ARNT: variants seen among roughly 807,000 people sequenced by gnomAD.
The protein encoded by ARNT is class E basic helix-loop-helix protein 2.
A neutral mutation model predicts 105.0 loss-of-function variants in ARNT; 30 were observed. The ratio of observed to expected loss-of-function variants is 0.29; its 90% confidence interval spans 0.21 to 0.39. The LOEUF (loss-of-function observed/expected upper bound fraction) is 0.39. ARNT is among the 10% of genes least tolerant of loss of function. ARNT has a pLI of 1.00. For missense variants in ARNT, 748 were observed against 978.7 expected, an observed-to-expected ratio of 0.76 and a Z score of 3.15; for synonymous variants, 304 against 344.0, an observed-to-expected ratio of 0.88 and a Z score of 1.29.
chr1:150,870,488 C>A (rs1667255268), intron 1 of ARNT, among the ~76,000 whole-genome samples: 5 of 152,032 alleles, frequency 3.3e-5, no homozygotes, highest in Admixed American at 3.3e-4. Flanking sequence ...GAACTTATAT[C>A]CTAAGTATGC....
At chr1:150,843,820 C>G (rs1400561191) in intron 4 of ARNT, among the ~76,000 whole-genome samples, 1 of 152,092 alleles carries the variant, frequency 6.6e-6, no homozygotes, top group Admixed American at 6.5e-5. Flanking sequence ...AAGTTTTCAG[C>G]TTTTAAGACC....
chr1:150,837,492 G>A (rs1191711490), intron 6 of ARNT, among the ~76,000 whole-genome samples: 2 of 152,118 alleles, frequency 1.3e-5, no homozygotes, highest in African/African-American at 4.8e-5. Context: ...CCTCTCTGCA[G>A]AATGTGACAA....
intron 19 of ARNT, 127 bp from the exon 20 acceptor site, chr1:150,814,366 AT>A (rs1655395645): frequency 1.1e-6 from 1 of 895,668 alleles, no homozygotes; most frequent in East Asian, 2.7e-5. Flanking sequence ...CTTATTTCCT[AT>A]TGTATATTTC....
intron 1 of ARNT, among the ~76,000 whole-genome samples, chr1:150,858,765 G>A (rs745370230): frequency 3.3e-5 from 5 of 151,482 alleles, no homozygotes; most frequent in Non-Finnish European, 7.4e-5. Flanking sequence ...AGGACTATAG[G>A]CCCGCACTAC....
At chr1:150,816,605 T>C (rs587678437) in intron 18 of ARNT, among the ~76,000 whole-genome samples, 183 bp downstream of exon 18, 37 of 152,228 alleles carry the variant, frequency 2.4e-4, no homozygotes, top group African/African-American at 3.9e-4. Context: ...GCCTAGAACA[T>C]GGCAATAGGA....
intron 15 of ARNT, 21 bp from the exon 16 acceptor site, chr1:150,817,454 G>A: frequency 3.1e-6 from 5 of 1,608,540 alleles, no homozygotes; most frequent in Non-Finnish European, 4.2e-6. Flanking sequence ...AAGGCCAGTT[G>A]ACAAGACAAA....
chr1:150,824,327 T>C (rs909444761), intron 13 of ARNT, among the ~76,000 whole-genome samples: 14 of 152,044 alleles, frequency 9.2e-5, no homozygotes, highest in African/African-American at 3.4e-4. Flanking sequence ...CCATTAAAGA[T>C]ACTCTGACCT....
chr1:150,830,030 G>T (rs1659064523), intron 10 of ARNT, 50 bp from the exon 11 acceptor site: 2 of 1,591,410 alleles, frequency 1.3e-6, no homozygotes, highest in Non-Finnish European at 1.7e-6. Flanking sequence ...CAACTCAAAT[G>T]CCTTCAAAAC....
chr1:150,831,440 A>C, intron 10 of ARNT: 1 of 177,684 alleles, frequency 5.6e-6, no homozygotes, highest in South Asian at 1.3e-4. Context: ...TTATTACAAT[A>C]AAGGCATTTT....
chr1:150,849,101 G>A (rs1452744174), intron 3 of ARNT, among the ~76,000 whole-genome samples: 1 of 152,122 alleles, frequency 6.6e-6, no homozygotes, highest in Non-Finnish European at 1.5e-5. Context: ...TACTCGGGAG[G>A]CTGAGGCAGG....
At chr1:150,873,189 T>C (rs1431513364) in intron 1 of ARNT, among the ~76,000 whole-genome samples, 1 of 151,286 alleles carries the variant, frequency 6.6e-6, no homozygotes, top group African/African-American at 2.4e-5. Context: ...CTCGGGAGGC[T>C]GAGGCAGGAG....
intron 2 of ARNT, among the ~76,000 whole-genome samples, chr1:150,853,995 T>TC (rs1664091496): frequency 6.6e-6 from 1 of 152,194 alleles, no homozygotes; most frequent in African/African-American, 2.4e-5. Flanking sequence ...TGTTTGCTCC[T>TC]CTTCCTCCTT....
In ARNT at chr1:150,832,323, T is replaced by G. The variant is rs774985804; in HGVS notation, c.869+11A>C. The G allele has an allele frequency of 6.2e-7, 1 of 1,613,998 alleles. No homozygotes were observed. Among genetic ancestry groups the G allele is most frequent in the Non-Finnish European group, 8.5e-7 (1 of 1,179,990 alleles). On this transcript the variant is annotated intron_variant, in intron 9 of 21. Coordinates refer to ENST00000358595, the MANE Select transcript of ARNT (RefSeq NM_001668.4). Reference sequence around the variant, plus strand: ...GGCCATCCCTTTGGTTTTCACCACTTAGGATCTCACCTGCATCTGTTCCTC... The same window carrying G: ...GGCCATCCCTTTGGTTTTCACCACTGAGGATCTCACCTGCATCTGTTCCTC...
At chr1:150,813,470 C>T (rs995438061) in intron 20 of ARNT, 132 bp from the exon 21 acceptor site, 1 of 915,314 alleles carries the variant, frequency 1.1e-6, no homozygotes, top group African/African-American at 1.7e-5. Context: ...CTCTGCCAAT[C>T]AATGCCTTTT....
intron 3 of ARNT, among the ~76,000 whole-genome samples, chr1:150,851,180 C>T (rs1462140578): frequency 1.3e-5 from 2 of 149,968 alleles, no homozygotes; most frequent in African/African-American, 4.9e-5. Context: ...CCAGCCACCC[C>T]GTCCAGGAGA....
At chr1:150,848,161 G>C (rs778787422) in intron 3 of ARNT, among the ~76,000 whole-genome samples, 5 of 152,176 alleles carry the variant, frequency 3.3e-5, no homozygotes, top group African/African-American at 4.8e-5. Context: ...AACTGTAGTT[G>C]TCTAAAGAGT....
chr1:150,873,184 G>A (rs1226054776), intron 1 of ARNT, among the ~76,000 whole-genome samples: 1 of 151,768 alleles, frequency 6.6e-6, no homozygotes. Flanking sequence ...AGCTACTCGG[G>A]AGGCTGAGGC....
chr1:150,834,444 C>T, intron 8 of ARNT, 94 bp downstream of exon 8: 1 of 1,204,598 alleles, frequency 8.3e-7, no homozygotes, highest in Non-Finnish European at 1.2e-6. Context: ...AAATTTAATC[C>T]ACTGGAGCTA....
At chr1:150,852,497 T>C (rs1222481115) in intron 3 of ARNT, among the ~76,000 whole-genome samples, 1 of 152,146 alleles carries the variant, frequency 6.6e-6, no homozygotes, top group Non-Finnish European at 1.5e-5. Context: ...AATTGAGAAA[T>C]AACGAACTGT....
Sources: allele counts gnomAD v4.1 joint callset (sites outside exome capture counted in the v4.1 genomes callset), GRCh38; gene constraint gnomAD v4.1.1; transcripts MANE v1.5; gene names NCBI Gene and HGNC (gene_info 2026-07-23, HGNC 2026-07-21).